CLYBL: variants seen among roughly 807,000 people sequenced by gnomAD.
The protein encoded by CLYBL is citramalyl-CoA lyase, also known as citramalyl-CoA lyase, mitochondrial.
A neutral mutation model predicts 38.9 loss-of-function variants in CLYBL; 31 were observed. That is an observed-to-expected ratio of 0.80 (90% CI 0.60 to 1.08). The LOEUF is 1.08. Among genes scored for constraint, CLYBL ranks in the 50% least tolerant of loss-of-function variants. The pLI, the probability that CLYBL is intolerant of heterozygous loss-of-function variation, is 0.00. For missense variants in CLYBL, 434 were observed against 411.6 expected (o/e 1.05, Z -0.47); for synonymous variants, 171 against 158.6 (o/e 1.08, Z -0.59).
At chr13:99,764,847 ATT>A (rs756835141) in intron 1 of CLYBL, among the ~76,000 whole-genome samples, 15 of 140,094 alleles carry the variant, frequency 1.1e-4, no homozygotes, top group Admixed American at 2.2e-4. Context: ...TGCCTGGCTA[ATT>A]TTTTTTTTTT....
chr13:99,875,341 AAAAGG>A (rs2052010384), intron 7 of CLYBL, among the ~76,000 whole-genome samples: 1 of 152,250 alleles, frequency 6.6e-6, no homozygotes, highest in South Asian at 2.1e-4. Context: ...TAAAGAAAGA[AAAAGG>A]AAAGTAAGAG....
chr13:99,880,050 G>GTA (rs4001018), intron 7 of CLYBL, among the ~76,000 whole-genome samples: 2,256 of 97,528 alleles, frequency 0.023, 69 homozygotes, highest in Admixed American at 0.062. Context: ...ATGTGTGTAT[G>GTA]TATATATATA....
intron 1 of CLYBL, among the ~76,000 whole-genome samples, chr13:99,721,386 A>G (rs1380538000): frequency 6.6e-6 from 1 of 151,482 alleles, no homozygotes; most frequent in African/African-American, 2.4e-5. Flanking sequence ...TTTACTTACT[A>G]TTTCAGTGAC....
At chr13:99,907,453 AAAAC>A (rs1167248213) in intron 9 of CLYBL, among the ~76,000 whole-genome samples, 1 of 152,234 alleles carries the variant, frequency 6.6e-6, no homozygotes, top group Admixed American at 6.5e-5. Context: ...CTGGAAAAAA[AAAAC>A]AATAAAATGT....
chr13:99,631,221 T>C (rs2046939312), intron 1 of CLYBL, among the ~76,000 whole-genome samples: 1 of 151,212 alleles, frequency 6.6e-6, no homozygotes, highest in Non-Finnish European at 1.5e-5. Context: ...ACTCCAGAGG[T>C]TGAGGTGGGA....
intron 1 of CLYBL, among the ~76,000 whole-genome samples, chr13:99,763,217 T>C (rs2049198270): frequency 6.6e-6 from 1 of 152,194 alleles, no homozygotes; most frequent in Non-Finnish European, 1.5e-5. Flanking sequence ...TAAATACAAG[T>C]GGCAAAAGTG....
intron 1 of CLYBL, among the ~76,000 whole-genome samples, chr13:99,656,952 C>A (rs1051625378): frequency 6.6e-6 from 1 of 152,184 alleles, no homozygotes; most frequent in Non-Finnish European, 1.5e-5. Flanking sequence ...AAAACCCCAT[C>A]TTAAATTCAT....
intron 1 of CLYBL, among the ~76,000 whole-genome samples, chr13:99,743,050 C>CT (rs749218314): frequency 6.3e-4 from 90 of 143,274 alleles, no homozygotes; most frequent in Middle Eastern, 3.6e-3. Flanking sequence ...TTTTCTTTTT[C>CT]TTTTTTTTTT....
intron 1 of CLYBL, among the ~76,000 whole-genome samples, chr13:99,612,868 A>T (rs2046649268): frequency 1.3e-5 from 2 of 151,924 alleles, no homozygotes; most frequent in South Asian, 4.1e-4. Flanking sequence ...TTTAAAAGTT[A>T]GCTGGATGTG....
chr13:99,901,614 T>C (rs1331738250), downstream of CLYBL, among the ~76,000 whole-genome samples: 1 of 150,626 alleles, frequency 6.6e-6, no homozygotes, highest in Non-Finnish European at 1.5e-5. Context: ...AAAGTTGCTA[T>C]TTCTTTGTTT....
chr13:99,885,461 A>AG (rs1594246280), intron 7 of CLYBL, among the ~76,000 whole-genome samples: 1 of 152,176 alleles, frequency 6.6e-6, no homozygotes, highest in Non-Finnish European at 1.5e-5. Context: ...TCTCCACTGA[A>AG]GATATTGCAC....
chr13:99,686,267 A>C lies in CLYBL; in HGVS notation c.62+79510A>C, dbSNP rs551701366. Among the ~76,000 whole-genome samples the C allele has an allele frequency of 3.9e-5, 6 of 152,214 alleles. No individual in the cohort carries two copies. In the East Asian group the frequency reaches 9.7e-4, roughly 25 times the overall value. ...GGGCATATATAGCTGCTCCATTTGG[A>C]CTATGCTCCTAGACTGACATGGGCC... On this transcript the variant is annotated intron_variant, in intron 1 of 8. Transcript: ENST00000339105.
At chr13:99,904,739 T>C (rs926218496) in intron 8 of CLYBL, among the ~76,000 whole-genome samples, 3 of 152,238 alleles carry the variant, frequency 2.0e-5, no homozygotes, top group Admixed American at 6.5e-5. Flanking sequence ...CAGTGTCAGC[T>C]CAAAACTGTA....
intron 8 of CLYBL, chr13:99,891,696 A>C (rs2052494318): frequency 3.3e-6 from 1 of 307,362 alleles, no homozygotes; most frequent in South Asian, 5.0e-5. Context: ...CTGGGGAAAG[A>C]TGGGCTGTGA....
chr13:99,702,868 A>G (rs977167754), intron 1 of CLYBL, among the ~76,000 whole-genome samples: 3 of 152,346 alleles, frequency 2.0e-5, no homozygotes, highest in South Asian at 2.1e-4. Flanking sequence ...GCTCTGCTAC[A>G]TAAGAAGCTG....
intron 1 of CLYBL, among the ~76,000 whole-genome samples, chr13:99,667,784 C>T (rs2047504839): frequency 6.6e-6 from 1 of 152,170 alleles, no homozygotes; most frequent in Admixed American, 6.5e-5. Context: ...TTCACATTCA[C>T]CTGATTCCCT....
At chr13:99,649,452 C>T (rs923756462) in intron 1 of CLYBL, among the ~76,000 whole-genome samples, 1 of 152,138 alleles carries the variant, frequency 6.6e-6, no homozygotes, top group African/African-American at 2.4e-5. Context: ...TAAACAGTTA[C>T]ACAGTTAAGT....
intron 1 of CLYBL, among the ~76,000 whole-genome samples, chr13:99,702,388 T>C (rs968006492): frequency 6.6e-6 from 1 of 152,066 alleles, no homozygotes; most frequent in Non-Finnish European, 1.5e-5. Flanking sequence ...CCCAGCACTT[T>C]GGGAGGCCAA....
intron 1 of CLYBL, among the ~76,000 whole-genome samples, chr13:99,764,307 C>T (rs561711617): frequency 3.3e-5 from 5 of 151,966 alleles, no homozygotes; most frequent in Admixed American, 2.0e-4. Flanking sequence ...GAAGAATTTG[C>T]GTAAAATTGA....
Sources: allele counts gnomAD v4.1 joint callset (sites outside exome capture counted in the v4.1 genomes callset), GRCh38; gene constraint gnomAD v4.1.1; transcripts MANE v1.5; gene names NCBI Gene and HGNC (gene_info 2026-07-23, HGNC 2026-07-21).